UBE2E2: variants seen among roughly 807,000 people sequenced by gnomAD.
The protein encoded by UBE2E2 is ubiquitin-conjugating enzyme E2 E2.
In UBE2E2, 6 loss-of-function variants were observed where a neutral mutation model predicts 24.7. The observed-to-expected ratio is 0.24, with a 90% CI of 0.13 to 0.48. UBE2E2 has a LOEUF of 0.48. Ranked by LOEUF, UBE2E2 falls within the 20% of genes least tolerant of loss-of-function variation. UBE2E2 has a pLI of 0.99. For synonymous variants in UBE2E2, 104 were observed against 83.6 expected, an observed-to-expected ratio of 1.24 and a Z score of -1.33; for missense variants, 169 against 245.0, an observed-to-expected ratio of 0.69 and a Z score of 2.07.
chr3:23,233,544 A>G (rs1203202930), intron 3 of UBE2E2, among the ~76,000 whole-genome samples: 1 of 152,204 alleles, frequency 6.6e-6, no homozygotes, highest in Non-Finnish European at 1.5e-5. Context: ...GATATCCTAA[A>G]CATTGGAACA....
intron 3 of UBE2E2, among the ~76,000 whole-genome samples, chr3:23,405,184 A>G (rs1697324283): frequency 6.6e-6 from 1 of 152,168 alleles, no homozygotes; most frequent in South Asian, 2.1e-4. Flanking sequence ...AATGTGGTAG[A>G]CCATTGTAGG....
At chr3:23,418,216 A>G (rs1432101050) in intron 3 of UBE2E2, among the ~76,000 whole-genome samples, 1 of 152,210 alleles carries the variant, frequency 6.6e-6, no homozygotes, top group African/African-American at 2.4e-5. Flanking sequence ...CCTGGTCTGC[A>G]GGTTGCAGAG....
chr3:23,282,906 A>G (rs1464985247), intron 3 of UBE2E2, among the ~76,000 whole-genome samples: 1 of 152,204 alleles, frequency 6.6e-6, no homozygotes, highest in Non-Finnish European at 1.5e-5. Flanking sequence ...ATTTGGAGGT[A>G]TAGGATATCA....
At chr3:23,309,069 C>T (rs1308376053) in intron 3 of UBE2E2, among the ~76,000 whole-genome samples, 1 of 152,216 alleles carries the variant, frequency 6.6e-6, no homozygotes, top group Non-Finnish European at 1.5e-5. Flanking sequence ...TGCTCACAGC[C>T]AGTTGGCATG....
chr3:23,492,473 T>A (rs1699519402), intron 3 of UBE2E2, among the ~76,000 whole-genome samples: 3 of 152,154 alleles, frequency 2.0e-5, no homozygotes, highest in African/African-American at 7.2e-5. Flanking sequence ...CACACATACT[T>A]TAAGAGAATT....
At chr3:23,325,093 T>C (rs2125294017) in intron 3 of UBE2E2, among the ~76,000 whole-genome samples, 1 of 152,276 alleles carries the variant, frequency 6.6e-6, no homozygotes, top group Non-Finnish European at 1.5e-5. Context: ...TAGGTCCTTA[T>C]GTACCATCAG....
chr3:23,396,305 A>ATATATATATATATGTATATATATACG (rs1196116400), intron 3 of UBE2E2, among the ~76,000 whole-genome samples: 57 of 120,540 alleles, frequency 4.7e-4, no homozygotes, highest in Non-Finnish European at 9.3e-4. Flanking sequence ...TTTATTTTTT[A>ATATATATATATATGTATATATATACG]TATATATATA....
At chr3:23,324,496 A>T (rs1694832555) in intron 3 of UBE2E2, among the ~76,000 whole-genome samples, 1 of 152,068 alleles carries the variant, frequency 6.6e-6, no homozygotes. Flanking sequence ...TTCTTTTACC[A>T]GCTACCTGTA....
intron 3 of UBE2E2, among the ~76,000 whole-genome samples, chr3:23,487,104 A>G (rs1002568323): frequency 3.9e-5 from 6 of 151,972 alleles, no homozygotes; most frequent in Admixed American, 1.3e-4. Flanking sequence ...GTTCGTCAGA[A>G]CCCAAAGCTT....
rs538308839 is a variant in UBE2E2, at chr3:23,515,164, T to G, written c.360+15424T>G. On this transcript the variant is annotated intron_variant, in intron 4 of 5. Coordinates refer to ENST00000396703, the MANE Select transcript of UBE2E2 (RefSeq NM_152653.4). The stretch of plus-strand genomic sequence containing the variant: ...GTGTGTGTGTGTGTGTACATATATA[T>G]AGAGAGAGAGATACATACATATGTA... Among the ~76,000 whole-genome samples, 580 of 151,232 alleles carry G rather than the reference T, an allele frequency of 3.8e-3. 2 individuals carry two copies. The highest frequency in any genetic ancestry group is 0.014 in the South Asian group (68 of 4,760).
intron 2 of UBE2E2, among the ~76,000 whole-genome samples, chr3:23,213,427 A>C (rs543491429): frequency 6.6e-6 from 1 of 152,174 alleles, no homozygotes; most frequent in Non-Finnish European, 1.5e-5. Flanking sequence ...TTTTAAAGCA[A>C]ATAACAGTCC....
intron 3 of UBE2E2, among the ~76,000 whole-genome samples, chr3:23,387,612 CA>C (rs1318087772): frequency 2.0e-5 from 3 of 152,154 alleles, no homozygotes; most frequent in Non-Finnish European, 4.4e-5. Flanking sequence ...ATCAATGGCT[CA>C]TGTTTCTCTC....
At chr3:23,487,973 T>C (rs933717479) in intron 3 of UBE2E2, among the ~76,000 whole-genome samples, 8 of 150,568 alleles carry the variant, frequency 5.3e-5, no homozygotes, top group Non-Finnish European at 1.2e-4. Context: ...AGCTAGATGA[T>C]TGTGTAAGGA....
chr3:23,469,191 C>A (rs963516523), intron 3 of UBE2E2, among the ~76,000 whole-genome samples: 5 of 152,074 alleles, frequency 3.3e-5, no homozygotes, highest in African/African-American at 1.2e-4. Context: ...CCTCTCATGG[C>A]AAAAAGAGAA....
At chr3:23,429,534 A>G (rs71322186) in intron 3 of UBE2E2, among the ~76,000 whole-genome samples, 15,357 of 152,208 alleles carry the variant, frequency 0.1, 915 homozygotes, top group East Asian at 0.13. Context: ...GAAAATTCTC[A>G]GGATCATATC....
intron 3 of UBE2E2, among the ~76,000 whole-genome samples, chr3:23,478,896 A>ATATATATAT (rs1192241310): frequency 1.7e-5 from 2 of 120,536 alleles, no homozygotes; most frequent in African/African-American, 5.3e-5. Context: ...ATATATATAT[A>ATATATATAT]TTTTTTTTTT....
At chr3:23,311,906 T>C (rs1432448168) in intron 3 of UBE2E2, among the ~76,000 whole-genome samples, 1 of 152,128 alleles carries the variant, frequency 6.6e-6, no homozygotes, top group African/African-American at 2.4e-5. Flanking sequence ...TTTGGATCTG[T>C]GTCTCCACCA....
intron 5 of UBE2E2, among the ~76,000 whole-genome samples, chr3:23,534,623 T>A (rs1229813129): frequency 6.6e-6 from 1 of 152,184 alleles, no homozygotes; most frequent in African/African-American, 2.4e-5. Context: ...TTCTAGAATC[T>A]TAAATAGAGT....
chr3:23,542,476 G>C (rs1695416281), intron 5 of UBE2E2, among the ~76,000 whole-genome samples: 1 of 152,146 alleles, frequency 6.6e-6, no homozygotes, highest in Admixed American at 6.6e-5. Context: ...ATTGTAACTA[G>C]GCAAAGAAGC....
Sources: allele counts gnomAD v4.1 joint callset (sites outside exome capture counted in the v4.1 genomes callset), GRCh38; gene constraint gnomAD v4.1.1; transcripts MANE v1.5; gene names NCBI Gene and HGNC (gene_info 2026-07-23, HGNC 2026-07-21).